CENPP: variants seen among roughly 807,000 people sequenced by gnomAD.
CENPP encodes centromere protein P.
A neutral mutation model predicts 35.6 loss-of-function variants in CENPP; 24 were observed. The ratio of observed to expected loss-of-function variants is 0.67; its 90% confidence interval spans 0.49 to 0.95. CENPP has a LOEUF of 0.95. CENPP is among the 40% of genes least tolerant of loss of function. The pLI, the probability that CENPP is intolerant of heterozygous loss-of-function variation, is 0.00. For missense variants in CENPP, 332 were observed against 345.3 expected (o/e 0.96, Z 0.31); for synonymous variants, 120 against 125.5 (o/e 0.96, Z 0.29).
intron 5 of CENPP, among the ~76,000 whole-genome samples, chr9:92,395,745 T>C (rs1289995931): frequency 2.6e-5 from 4 of 152,200 alleles, no homozygotes; most frequent in East Asian, 1.9e-4. Context: ...GTGTTTTAAT[T>C]TGTATTCTCT....
At chr9:92,391,592 C>T (rs1440084687) in intron 5 of CENPP, among the ~76,000 whole-genome samples, 2 of 152,000 alleles carry the variant, frequency 1.3e-5, no homozygotes, top group Admixed American at 6.6e-5. Flanking sequence ...GAGCGAGACC[C>T]TGTCTCAAAC....
At chr9:92,485,252 G>T (rs1343863504) in intron 5 of CENPP, among the ~76,000 whole-genome samples, 2 of 152,188 alleles carry the variant, frequency 1.3e-5, no homozygotes, top group East Asian at 3.9e-4. Context: ...TTCCTAAAGG[G>T]GTCCTATGGA....
In CENPP at chr9:92,489,021, A is replaced by G. The variant is rs58306593; in HGVS notation, c.564+109162A>G. On this transcript the variant is annotated intron_variant, in intron 5 of 7. Coordinates refer to ENST00000375587, the MANE Select transcript of CENPP (RefSeq NM_001012267.3). ...ACATAACTTCACAGAAGAAATGGTC[A>G]TGCCTTTATGATTTAGTTGTATCAC... Among the ~76,000 whole-genome samples, 777 of 152,368 alleles carry G rather than the reference A, an allele frequency of 5.1e-3. 8 individuals are homozygous for G. The highest frequency in any genetic ancestry group is 0.017 in the African/African-American group (727 of 41,594).
chr9:92,570,394 A>G lies in CENPP; in HGVS notation c.565-40920A>G, dbSNP rs1202141079. Among the ~76,000 whole-genome samples, 4 of 152,310 alleles carry G rather than the reference A, an allele frequency of 2.6e-5. No homozygotes were observed. In the East Asian group the frequency reaches 5.8e-4, roughly 22 times the overall value. On this transcript the variant is annotated intron_variant, in intron 5 of 7. Transcript: ENST00000375587. ...CTGGATTACATTTATTGATTTGCAT[A>G]TGTTGAACCAGCCTTGCATCCCAGG...
intron 5 of CENPP, among the ~76,000 whole-genome samples, chr9:92,477,785 C>G (rs913097070): frequency 6.6e-6 from 1 of 151,872 alleles, no homozygotes; most frequent in African/African-American, 2.4e-5. Flanking sequence ...AATACGAGAT[C>G]GTAAAGTTAA....
rs547461276 is a variant in CENPP at position 92,472,614 on chromosome 9, C to T, written c.564+92755C>T. ...CGGAAGTTGCAGTGAGCCGAGATCG[C>T]GCCATTGTACTCCAGCCTGGGTGAC... On this transcript the variant is annotated intron_variant, in intron 5 of 7. Coordinates refer to ENST00000375587, the MANE Select transcript of CENPP (RefSeq NM_001012267.3). Among the ~76,000 whole-genome samples the T allele has an allele frequency of 5.4e-5, 8 of 149,508 alleles. No homozygotes were observed. In the East Asian group the frequency reaches 1.2e-3, roughly 22 times the overall value.
intron 5 of CENPP, among the ~76,000 whole-genome samples, chr9:92,585,515 G>A (rs781755603): frequency 7.9e-5 from 12 of 152,114 alleles, no homozygotes; most frequent in East Asian, 3.8e-4. Flanking sequence ...ATTTCTCATC[G>A]TTAGATTTCT....
At position 92,484,132 on chromosome 9, in the gene CENPP, G is replaced by A. The variant is rs889374981; in HGVS notation, c.564+104273G>A. Reference sequence around the variant, plus strand: ...GAAGCCCTTGGGTCAAATTCAGTTTGTCCTGCACAATGTTTTGTTTCTGAA... The same window carrying A: ...GAAGCCCTTGGGTCAAATTCAGTTTATCCTGCACAATGTTTTGTTTCTGAA... On this transcript the variant is annotated intron_variant, in intron 5 of 7. Transcript: ENST00000375587. Among the ~76,000 whole-genome samples, 9 of 151,980 alleles carry A rather than the reference G, an allele frequency of 5.9e-5. No individual in the cohort carries two copies. In the East Asian group the frequency reaches 1.7e-3, roughly 29 times the overall value.
At position 92,540,435 on chromosome 9, in the gene CENPP, CAAA is replaced by C. The variant is rs35325216; in HGVS notation, c.565-70865_565-70863del. Among the ~76,000 whole-genome samples, 4 of 117,694 alleles carry C rather than the reference CAAA, an allele frequency of 3.4e-5. No homozygotes were observed. In the East Asian group the frequency reaches 8.5e-4, roughly 25 times the overall value. 77.2% of individuals were successfully genotyped at this position (117,694 alleles called of 152,430 possible). ...CCTGGACGACAGAGCGAGACTGTCT[CAAA>C]AAAAAAAAAAAAATGAGATCACATA... On this transcript the variant is annotated intron_variant, in intron 5 of 7. Transcript: ENST00000375587.
At chr9:92,547,446 C>T (rs184173770) in intron 5 of CENPP, among the ~76,000 whole-genome samples, 3 of 152,146 alleles carry the variant, frequency 2.0e-5, no homozygotes, top group Non-Finnish European at 2.9e-5. Context: ...TGCTGCATAG[C>T]CATACAAGGG....
intron 4 of CENPP, among the ~76,000 whole-genome samples, chr9:92,348,832 T>TA (rs1184641578): frequency 6.6e-6 from 1 of 152,220 alleles, no homozygotes; most frequent in Non-Finnish European, 1.5e-5. Flanking sequence ...GGTTTAAAGA[T>TA]AAAAAACATA....
chr9:92,552,097 A>AGGTCTATCATATATATGTGATAT (rs1289834771), intron 5 of CENPP, among the ~76,000 whole-genome samples: 26 of 138,494 alleles, frequency 1.9e-4, no homozygotes, highest in African/African-American at 6.6e-4. Context: ...GTGATATGAT[A>AGGTCTATCATATATATGTGATAT]GATCTATCAT....
intron 3 of CENPP, among the ~76,000 whole-genome samples, chr9:92,344,971 G>A (rs528481406): frequency 1.3e-5 from 2 of 151,804 alleles, no homozygotes; most frequent in Admixed American, 1.3e-4. Flanking sequence ...GATTGAGACC[G>A]CCTGGCACGG....
Position 92,345,591 on chromosome 9 carries a change from T to C in CENPP, c.379-108T>C. 3 of 661,078 alleles carry C rather than the reference T, an allele frequency of 4.5e-6. No homozygotes were observed. The South Asian group carries it at 5.3e-5, about 12-fold the overall frequency. The allele number at this position is 661,078 out of a possible 1,614,324, so 41.0% of individuals were successfully genotyped here. ...GTTTTTGTTTTGTTTCTGTCATGAT[T>C]ACTCTTTCCTTTTATTTGGTGGCAT... On this transcript the variant is annotated intron_variant, in intron 3 of 7. Coordinates refer to ENST00000375587, the MANE Select transcript of CENPP (RefSeq NM_001012267.3).
chr9:92,409,820 G>A (rs2130945557), intron 5 of CENPP, among the ~76,000 whole-genome samples: 1 of 152,268 alleles, frequency 6.6e-6, no homozygotes, highest in East Asian at 1.9e-4. Context: ...AACTGGTTTA[G>A]TCTGTAGCTC....
chr9:92,472,746 A>C (rs548842147), intron 5 of CENPP, among the ~76,000 whole-genome samples: 1 of 152,322 alleles, frequency 6.6e-6, no homozygotes, highest in African/African-American at 2.4e-5. Context: ...TAACTTGATG[A>C]ATTAGCAAGG....
At chr9:92,456,646 T>C (rs1844889495) in intron 5 of CENPP, 1 of 152,472 alleles carries the variant, frequency 6.6e-6, no homozygotes, top group South Asian at 2.1e-4. Flanking sequence ...GCATATGCTA[T>C]AGCCCCAAAC....
At chr9:92,362,228 A>C (rs1456496903) in intron 4 of CENPP, among the ~76,000 whole-genome samples, 1 of 152,142 alleles carries the variant, frequency 6.6e-6, no homozygotes, top group East Asian at 1.9e-4. Context: ...TAAAAAAAAA[A>C]AATTAGCCTG....
intron 5 of CENPP, among the ~76,000 whole-genome samples, chr9:92,560,991 A>G (rs1265260566): frequency 6.8e-6 from 1 of 148,110 alleles, no homozygotes; most frequent in Non-Finnish European, 1.5e-5. Flanking sequence ...ACCTTTGTCC[A>G]TGTCTTAAAG....
Sources: allele counts gnomAD v4.1 joint callset (sites outside exome capture counted in the v4.1 genomes callset), GRCh38; gene constraint gnomAD v4.1.1; transcripts MANE v1.5; gene names NCBI Gene and HGNC (gene_info 2026-07-23, HGNC 2026-07-21).